Variants in DIS3L observed in about 807,000 individuals in gnomAD.
The protein encoded by DIS3L is DIS3 like exosome 3'-5' exoribonuclease, also known as DIS3-like exonuclease 1.
In DIS3L, 100 loss-of-function variants were observed where a neutral mutation model predicts 120.3. The observed-to-expected ratio is 0.83, with a 90% CI of 0.71 to 0.98. The LOEUF is 0.98. Among genes scored for constraint, DIS3L ranks in the 50% least tolerant of loss-of-function variants. DIS3L has a pLI of 0.00. For synonymous variants in DIS3L, 426 were observed against 470.6 expected, an observed-to-expected ratio of 0.91 and a Z score of 1.23; for missense variants, 1,196 against 1,314.2, an observed-to-expected ratio of 0.91 and a Z score of 1.39.
Position 66,293,744 on chromosome 15 carries a change from C to A in DIS3L, c.139+9C>A. On this transcript the variant is annotated intron_variant, in intron 1 of 16. Coordinates refer to ENST00000319212, the MANE Select transcript of DIS3L (RefSeq NM_001143688.3). ...CGCCGCCTGCAGCCACGGTCAGGGC[C>A]GGGGCGGGGGCGGGGACGGGGCCGG... The A allele has an allele frequency of 8.3e-7, 1 of 1,209,218 alleles. No homozygotes were observed. The highest frequency in any genetic ancestry group is 3.4e-5 in the South Asian group (1 of 29,280). The allele number at this position is 1,209,218 out of a possible 1,614,324, so 74.9% of individuals were successfully genotyped here. A position where few individuals can be genotyped will look rare whatever the true frequency, so the allele number is the denominator to read the frequency against.
At chr15:66,313,102 T>C (rs534005941) in intron 5 of DIS3L, among the ~76,000 whole-genome samples, 1 of 152,170 alleles carries the variant, frequency 6.6e-6, no homozygotes, top group Non-Finnish European at 1.5e-5. Context: ...TTCAAGTGAT[T>C]CTTCTGCCTC....
rs35644337 is a variant in DIS3L, at chr15:66,317,841, T to TA, written c.995-592dup. ...GGCAGCATAGTGAGATCCTGTTTCT[T>TA]AAAAAAAAAAAAAAAAGAAACGAAC... On this transcript the variant is annotated intron_variant, in intron 7 of 16. Transcript: ENST00000319212. Among the ~76,000 whole-genome samples, 494 of 130,290 alleles carry TA rather than the reference T, an allele frequency of 3.8e-3. 2 individuals carry two copies. The highest frequency in any genetic ancestry group is 1.0e-2 in the African/African-American group (365 of 36,632). 85.5% of individuals were successfully genotyped at this position (130,290 alleles called of 152,430 possible).
rs778918515 is a variant in DIS3L at position 66,308,843 on chromosome 15, A to G, written c.557A>G (p.Lys186Arg). The G allele has an allele frequency of 1.2e-5, 19 of 1,612,310 alleles. No homozygotes were observed. The South Asian group carries it at 1.4e-4, about 12-fold the overall frequency. ...ETEGVFVITF[K>R]NYLDNFWPDL... is the part of the protein sequence containing the mutation. Reference sequence around the variant, plus strand: ...GAAGGAGTATTCGTGATTACTTTCAAGGTATTTCCAGATATTGTATATGTA... The same window carrying G: ...GAAGGAGTATTCGTGATTACTTTCAGGGTATTTCCAGATATTGTATATGTA... Residue 186 changes from lysine (K) to arginine (R), a missense_variant and splice_region_variant, in exon 4 of 17, where the codon AAG (lysine) becomes AGG (arginine). Coordinates refer to ENST00000319212, the MANE Select transcript of DIS3L (RefSeq NM_001143688.3).
intron 3 of DIS3L, among the ~76,000 whole-genome samples, chr15:66,308,265 G>A (rs1266199099): frequency 1.3e-5 from 2 of 152,104 alleles, no homozygotes; most frequent in African/African-American, 4.8e-5. Flanking sequence ...AGATTTCCAG[G>A]CATTCCATAT....
intron 1 of DIS3L, chr15:66,294,405 C>T: frequency 1.0e-6 from 1 of 985,544 alleles, no homozygotes; most frequent in Non-Finnish European, 1.2e-6. Flanking sequence ...GGCTGGGGGT[C>T]CTTGTCAGCG....
At chr15:66,304,702 A>G (rs2092684536) in intron 2 of DIS3L, among the ~76,000 whole-genome samples, 1 of 151,810 alleles carries the variant, frequency 6.6e-6, no homozygotes, top group East Asian at 2.0e-4. Context: ...GGAGTTTGAG[A>G]CCAGCCTGGC....
chr15:66,293,652 T>C lies in DIS3L; in HGVS notation c.56T>C (p.Leu19Pro). 1 of 1,434,230 alleles carries C rather than the reference T, an allele frequency of 7.0e-7. No homozygotes were observed. The highest frequency in any genetic ancestry group is 9.1e-7 in the Non-Finnish European group (1 of 1,093,856). 88.8% of individuals were successfully genotyped at this position (1,434,230 alleles called of 1,614,324 possible). Residue 19 changes from leucine to proline, a missense_variant, in exon 1 of 17, where the codon CTG becomes CCG. Transcript: ENST00000319212. ...LLLRTFQGRT[L>P]RIVREHYLRP... is the part of the protein sequence containing the mutation. ...CTGAGGACCTTCCAGGGCCGCACGCTGCGGATCGTGCGCGAGCACTACCTG... is the reference window on the plus strand; with the variant it reads ...CTGAGGACCTTCCAGGGCCGCACGCCGCGGATCGTGCGCGAGCACTACCTG...
chr15:66,316,320 T>C (rs2092816612), intron 7 of DIS3L, among the ~76,000 whole-genome samples: 1 of 151,734 alleles, frequency 6.6e-6, no homozygotes, highest in Admixed American at 6.6e-5. Context: ...TTTTTTTTTT[T>C]ACTCATCAGT....
At position 66,322,899 on chromosome 15, in the gene DIS3L, A is replaced by C; in HGVS notation, c.1539A>C (p.Ala513=). Residue 513 remains alanine (A), a synonymous_variant, in exon 10 of 17, where the codon GCA becomes GCC. Transcript: ENST00000319212. The part of the protein sequence containing the change: ...VHIADVTHFV[A]PNSYIDIEAR... ...TCGCAGATGTAACACACTTTGTGGC[A>C]CCAAATTCTTACATTGATATTGAAG... is the stretch of plus-strand genomic sequence containing the variant. The C allele has an allele frequency of 6.2e-7, 1 of 1,614,210 alleles. No individual in the cohort carries two copies. Among genetic ancestry groups the C allele is most frequent in the Non-Finnish European group, 8.5e-7 (1 of 1,180,034 alleles).
chr15:66,298,906 G>T (rs2092618148), intron 2 of DIS3L, among the ~76,000 whole-genome samples: 1 of 152,322 alleles, frequency 6.6e-6, no homozygotes, highest in East Asian at 1.9e-4. Context: ...GTCCTGGCAG[G>T]GTGACAGGCA....
At position 66,333,253 on chromosome 15, in the gene DIS3L, C is replaced by T; in HGVS notation, c.3106C>T (p.Leu1036Phe). ...AACAAAGGGAAGGAGCCTATACACA[C>T]TTCTAGAGGAGATACGGGACCTAGC... ...RQTKGRSLYT[L>F]LEEIRDLALL... Residue 1036 changes from leucine (L) to phenylalanine (F), a missense_variant, in exon 17 of 17, where the codon CTT (leucine) becomes TTT (phenylalanine). Coordinates refer to ENST00000319212, the MANE Select transcript of DIS3L (RefSeq NM_001143688.3). The T allele has an allele frequency of 6.2e-7, 1 of 1,613,428 alleles. No homozygotes were observed. Among genetic ancestry groups the T allele is most frequent in the Non-Finnish European group, 8.5e-7 (1 of 1,179,896 alleles).
At chr15:66,305,149 C>T (rs1434079209) in intron 2 of DIS3L, among the ~76,000 whole-genome samples, 3 of 150,822 alleles carry the variant, frequency 2.0e-5, no homozygotes, top group East Asian at 2.0e-4. Flanking sequence ...TACAGGCACC[C>T]ACCACCACGC....
chr15:66,332,523 T>C (rs79994682), intron 15 of DIS3L, among the ~76,000 whole-genome samples: 8 of 149,112 alleles, frequency 5.4e-5, no homozygotes, highest in Admixed American at 1.3e-4. Flanking sequence ...TGTATATATA[T>C]ACACACACAC....
In DIS3L at chr15:66,308,784, T is replaced by G. The variant is rs1566941785; in HGVS notation, c.498T>G (p.Asp166Glu). 6.2e-7 allele frequency: 1 copy of G among 1,613,682 alleles called. No homozygotes were observed. Among genetic ancestry groups the G allele is most frequent in the Admixed American group, 1.7e-5 (1 of 59,958 alleles). Residue 166 changes from aspartate to glutamate, a missense_variant, in exon 4 of 17, where the codon GAT becomes GAG. Asp to Glu is a conservative substitution (Grantham distance 45). Coordinates refer to ENST00000319212, the MANE Select transcript of DIS3L (RefSeq NM_001143688.3). ...DRMPIVMVTE[D>E]EEAIQQYGSE... ...TGCCAATTGTTATGGTGACAGAAGA[T>G]GAAGAGGCAATTCAGCAGTATGGAA... is the stretch of plus-strand genomic sequence containing the variant.
At chr15:66,332,514 G>GTGTGTGTGTGTA (rs1436427790) in intron 15 of DIS3L, among the ~76,000 whole-genome samples, 1 of 74,730 alleles carries the variant, frequency 1.3e-5, no homozygotes, top group African/African-American at 3.5e-5. Context: ...GTGTGTGTGT[G>GTGTGTGTGTGTA]TATATATATA....
At position 66,329,143 on chromosome 15, in the gene DIS3L, C is replaced by CA; in HGVS notation, c.2356+19_2356+20insA. The CA allele has an allele frequency of 1.3e-6, 2 of 1,599,862 alleles. No homozygotes were observed. The highest frequency in any genetic ancestry group is 4.5e-5 in the East Asian group (2 of 44,720). On this transcript the variant is annotated intron_variant, in intron 13 of 16. Coordinates refer to ENST00000319212, the MANE Select transcript of DIS3L (RefSeq NM_001143688.3). ...CATTACGGTGAATCATACCATATTC[C>CA]TATGTGTGGCTGTAACTTTGCGCTA...
At chr15:66,325,776 A>G in intron 11 of DIS3L, 55 bp from the exon 12 acceptor site, 1 of 1,536,434 alleles carries the variant, frequency 6.5e-7, no homozygotes, top group Non-Finnish European at 8.7e-7. Flanking sequence ...AACAAAAAAC[A>G]AAAAAAGCCA....
chr15:66,328,762 T>C (rs1156670607), intron 12 of DIS3L, among the ~76,000 whole-genome samples: 2 of 152,212 alleles, frequency 1.3e-5, no homozygotes, highest in African/African-American at 2.4e-5. Flanking sequence ...ACTTAAGAAA[T>C]GTATTTAAAT....
At chr15:66,316,707 T>C (rs551841994) in intron 7 of DIS3L, among the ~76,000 whole-genome samples, 1 of 152,168 alleles carries the variant, frequency 6.6e-6, no homozygotes, top group African/African-American at 2.4e-5. Flanking sequence ...TCCCAGCTAC[T>C]GGGAAGCTGA....
Sources: allele counts gnomAD v4.1 joint callset (sites outside exome capture counted in the v4.1 genomes callset), GRCh38; gene constraint gnomAD v4.1.1; transcripts MANE v1.5; gene names NCBI Gene and HGNC (gene_info 2026-07-23, HGNC 2026-07-21).